The following EHMT1 variants were observed in gnomAD, a reference collection of about 807,000 sequenced individuals.
The protein encoded by EHMT1 is euchromatic histone lysine methyltransferase 1.
A neutral mutation model predicts 147.2 loss-of-function variants in EHMT1; 15 were observed. The ratio of observed to expected loss-of-function variants is 0.10; its 90% CI spans 0.07 to 0.16. The LOEUF is 0.16. Among genes scored for constraint, EHMT1 ranks in the 10% least tolerant of loss-of-function variants. EHMT1 has a pLI of 1.00. For synonymous variants in EHMT1, 795 were observed against 709.6 expected (o/e 1.12, Z -1.91); for missense variants, 1,587 against 1,772.4 (o/e 0.90, Z 1.88).
At chr9:137,737,144 C>T (rs1052464241) in intron 4 of EHMT1, among the ~76,000 whole-genome samples, 14 of 151,510 alleles carry the variant, frequency 9.2e-5, no homozygotes, top group Middle Eastern at 6.9e-3. Flanking sequence ...CCCAGAAGGT[C>T]GAGGCTGCAG....
At position 137,743,495 on chromosome 9, in the gene EHMT1, T is replaced by A. The variant is rs1564675635; in HGVS notation, c.948T>A (p.Phe316Leu). The A allele has an allele frequency of 6.2e-7, 1 of 1,614,176 alleles. No homozygotes were observed. The highest frequency in any genetic ancestry group is 8.5e-7 in the Non-Finnish European group (1 of 1,180,016). Residue 316 changes from phenylalanine (F) to leucine (L), a missense_variant, in exon 5 of 27, where the codon TTT (phenylalanine) becomes TTA (leucine). Coordinates refer to ENST00000460843, the MANE Select transcript of EHMT1 (RefSeq NM_024757.5). ...VLKQRTVIEM[F>L]KSITHSTVGS... is the part of the protein sequence containing the mutation. ...AACAGAGGACGGTGATTGAGATGTTTAAGAGCATAACTCATTCCACTGTGG... is the reference window on the plus strand; with the variant it reads ...AACAGAGGACGGTGATTGAGATGTTAAAGAGCATAACTCATTCCACTGTGG...
At chr9:137,788,065 T>C in intron 15 of EHMT1, 1 of 1,363,122 alleles carries the variant, frequency 7.3e-7, no homozygotes, top group African/African-American at 1.4e-5. Flanking sequence ...GCTGGCAAAG[T>C]CTCCCCCTCC....
At chr9:137,648,619 C>G (rs1452518686) in intron 1 of EHMT1, among the ~76,000 whole-genome samples, 2 of 152,272 alleles carry the variant, frequency 1.3e-5, no homozygotes, top group East Asian at 1.9e-4. Flanking sequence ...ACACTGCACT[C>G]TAGCCAGGGC....
intron 25 of EHMT1, among the ~76,000 whole-genome samples, chr9:137,820,593 G>A (rs569712160): frequency 5.3e-5 from 8 of 152,142 alleles, no homozygotes; most frequent in Admixed American, 3.3e-4. Context: ...TCCCAGAAAC[G>A]GTCATGTTTG....
Position 137,782,352 on chromosome 9 carries a change from C to T in EHMT1, c.2337C>T (p.Ala779=), listed in dbSNP as rs371570869. ...AGAATAAGCGCTCTCCACTGCACGC[C>T]GCGGCAGAGGCTGGACACGTGGACA... ...EHQNKRSPLH[A]AAEAGHVDIC... Residue 779 remains alanine (A), a synonymous_variant, in exon 15 of 27, where the codon GCC becomes GCT. Coordinates refer to ENST00000460843, the MANE Select transcript of EHMT1 (RefSeq NM_024757.5). This position sits in a 1 kb window ranked among gnomAD's most constrained non-coding sequence, Gnocchi z 5.7. 2.2e-5 allele frequency: 36 copies of T among 1,612,842 alleles called. No individual in the cohort carries two copies. In the African/African-American group the frequency reaches 2.4e-4, roughly 11 times the overall value.
Position 137,716,848 on chromosome 9 carries a change from C to G in EHMT1, c.308C>G (p.Ala103Gly), listed in dbSNP as rs781024598. Residue 103 changes from alanine (A) to glycine (G), a missense_variant, in exon 3 of 27, where the codon GCG (alanine) becomes GGG (glycine). Ala to Gly is a moderately conservative substitution (Grantham distance 60, BLOSUM62 0). Transcript: ENST00000460843. ...GGGGTTTCAGAAAGAGACTCAGAAG[C>G]GGCGAAGCAAAACCACGTCACTGCC... ...ENGVSERDSEAAKQNHVTADD... is the reference protein window; with the variant it reads ...ENGVSERDSEGAKQNHVTADD... The G allele has an allele frequency of 6.2e-7, 1 of 1,613,138 alleles. No individual in the cohort carries two copies. Among genetic ancestry groups the G allele is most frequent in the African/African-American group, 1.3e-5 (1 of 74,890 alleles).
rs139540330 is a variant in EHMT1 at position 137,739,868 on chromosome 9, C to A, written c.824-3503C>A. Among the ~76,000 whole-genome samples, 42 of 152,242 alleles carry A rather than the reference C, an allele frequency of 2.8e-4. No individual in the cohort carries two copies. In the East Asian group the frequency reaches 7.5e-3, roughly 27 times the overall value. Reference sequence around the variant, plus strand: ...GGGGTCTCTGTGTGGACTTGTCGGGCAGGGAGGAAGGAGGACGGTGTCTCT... The same window carrying A: ...GGGGTCTCTGTGTGGACTTGTCGGGAAGGGAGGAAGGAGGACGGTGTCTCT... On this transcript the variant is annotated intron_variant, in intron 4 of 26. Transcript: ENST00000460843.
chr9:137,666,358 T>G (rs545150336), intron 1 of EHMT1, among the ~76,000 whole-genome samples: 5 of 152,372 alleles, frequency 3.3e-5, no homozygotes, highest in African/African-American at 1.2e-4. Context: ...ACCAGGACTT[T>G]TTCCCTTGTT....
rs145441735 is a variant in EHMT1 at position 137,687,401 on chromosome 9, A to T, written c.22-23566A>T. On this transcript the variant is annotated intron_variant, in intron 1 of 26. Transcript: ENST00000460843. ...ATTGTACTTGGGGCTGCATTGGGTC[A>T]GTTTAGGTAGAGTTTAGGTGGAGGA... Among the ~76,000 whole-genome samples, 289 of 152,260 alleles carry T rather than the reference A, an allele frequency of 1.9e-3. 2 individuals are homozygous for T. Among genetic ancestry groups the T allele is most frequent in the African/African-American group, 6.6e-3 (273 of 41,550 alleles).
chr9:137,642,258 T>G (rs1844547306), intron 1 of EHMT1, among the ~76,000 whole-genome samples: 1 of 152,210 alleles, frequency 6.6e-6, no homozygotes, highest in African/African-American at 2.4e-5. Flanking sequence ...ATTTGCTTTC[T>G]GCGTCTTCTG....
chr9:137,759,190 G>A (rs1588560126), intron 9 of EHMT1, among the ~76,000 whole-genome samples: 1 of 151,946 alleles, frequency 6.6e-6, no homozygotes, highest in South Asian at 2.1e-4. Context: ...AGCCTAGTCC[G>A]TCATGGAAAC....
chr9:137,643,363 CAG>C (rs1564533356), intron 1 of EHMT1, among the ~76,000 whole-genome samples: 1 of 110,800 alleles, frequency 9.0e-6, no homozygotes, highest in Admixed American at 1.2e-4. Flanking sequence ...TTTTTTTAGA[CAG>C]AGTCTCACCC....
intron 1 of EHMT1, among the ~76,000 whole-genome samples, chr9:137,658,258 C>T (rs1938692467): frequency 6.6e-6 from 1 of 151,946 alleles, no homozygotes. Context: ...TCAAGTGATT[C>T]TTGTGCCTCA....
intron 4 of EHMT1, among the ~76,000 whole-genome samples, chr9:137,730,324 C>T (rs1055942147): frequency 4.6e-5 from 7 of 152,160 alleles, no homozygotes; most frequent in African/African-American, 9.7e-5. Flanking sequence ...TAGTACTGCA[C>T]GGTGGGTGCC....
At chr9:137,691,868 C>G (rs1326094795) in intron 1 of EHMT1, among the ~76,000 whole-genome samples, 1 of 152,164 alleles carries the variant, frequency 6.6e-6, no homozygotes, top group African/African-American at 2.4e-5. Context: ...ATGCGAAGCG[C>G]CCTGTCTCCC....
chr9:137,791,687 C>T (rs1245965806), intron 16 of EHMT1, among the ~76,000 whole-genome samples: 1 of 152,166 alleles, frequency 6.6e-6, no homozygotes, highest in Non-Finnish European at 1.5e-5. Context: ...ATGGCAGGTG[C>T]CACCCAACAG....
rs940396708 is a variant in EHMT1 at position 137,732,615 on chromosome 9, T to C, written c.823+4086T>C. 1.3e-5 allele frequency among the ~76,000 whole-genome samples: 2 copies of C among 152,130 alleles called. No homozygotes were observed. Among genetic ancestry groups the C allele is most frequent in the East Asian group, 1.9e-4 (1 of 5,190 alleles). The stretch of plus-strand genomic sequence containing the variant: ...TAGGTCTGGAAAAAACACCATTTGA[T>C]TGGCTAAAAGGCATCAAGGAAGTTC... On this transcript the variant is annotated intron_variant, in intron 4 of 26. Transcript: ENST00000460843. The surrounding 1 kb of genome is among the most constrained non-coding windows in gnomAD (Gnocchi z 4.6).
chr9:137,814,058 CCCCCCCCCCCCCCG>C (rs1312261721), intron 21 of EHMT1, among the ~76,000 whole-genome samples: 5 of 9,474 alleles, frequency 5.3e-4, no homozygotes, highest in African/African-American at 2.0e-3. Context: ...CTGCCCAGGC[CCCCCCCCCCCCCCG>C]CCCCCCGCCC....
At chr9:137,784,184 C>G (rs898306573) in intron 15 of EHMT1, 1 of 1,551,034 alleles carries the variant, frequency 6.4e-7, no homozygotes, top group Non-Finnish European at 8.7e-7. Flanking sequence ...TTCCCGAACA[C>G]AGCCAGGAAC....
Sources: allele counts gnomAD v4.1 joint callset (sites outside exome capture counted in the v4.1 genomes callset), GRCh38; gene constraint gnomAD v4.1.1; non-coding constraint Gnocchi (gnomAD v3.1); transcripts MANE v1.5; gene names NCBI Gene and HGNC (gene_info 2026-07-23, HGNC 2026-07-21).